CCDC33: variants seen among roughly 807,000 people sequenced by gnomAD.
CCDC33 encodes the protein coiled-coil domain containing 33, also known as coiled-coil domain-containing protein 33.
In CCDC33, 94 loss-of-function variants were observed where a neutral mutation model predicts 91.9. The observed-to-expected ratio is 1.02, with a 90% CI of 0.87 to 1.21. CCDC33 has a LOEUF of 1.21. Ranked by LOEUF, CCDC33 falls within the 50% of genes most tolerant of loss-of-function variation. The pLI, the probability that CCDC33 is intolerant of heterozygous loss-of-function variation, is 0.00. For missense variants in CCDC33, 940 were observed against 935.5 expected (o/e 1.00, Z -0.06); for synonymous variants, 396 against 374.5 (o/e 1.06, Z -0.66).
intron 2 of CCDC33, among the ~76,000 whole-genome samples, chr15:74,248,189 G>A (rs1388128521): frequency 3.3e-5 from 5 of 152,056 alleles, no homozygotes; most frequent in African/African-American, 9.7e-5. Context: ...TAACTAACTT[G>A]ATCATGATGA....
In CCDC33 at chr15:74,223,650, T is replaced by C. The variant is rs961380750; in HGVS notation, c.675+4789T>C. Among the ~76,000 whole-genome samples the C allele has an allele frequency of 2.7e-5, 4 of 149,086 alleles. No individual in the cohort carries two copies. The East Asian group carries it at 7.9e-4, about 29-fold the overall frequency. ...AGATTGACTCCCAGCCCCCACCCTC[T>C]GGGCCTCAGGCCCGAGCAGGTCAGC... On this transcript the variant is annotated intron_variant, in intron 2 of 2. Coordinates refer to the CCDC33 transcript ENST00000635913.
chr15:74,324,018 G>A lies in CCDC33; in HGVS notation c.1291-6171G>A, dbSNP rs549451324. Among the ~76,000 whole-genome samples, 5 of 150,504 alleles carry A rather than the reference G, an allele frequency of 3.3e-5. No homozygotes were observed. The South Asian group carries it at 1.1e-3, about 32-fold the overall frequency. On this transcript the variant is annotated intron_variant, in intron 11 of 18. Transcript: ENST00000398814. ...TGAGGCAGGAGAATTGCCTGAACCC[G>A]GGAGGCGGTTACAGTGAGCCAAGAT...
At chr15:74,335,462 A>T in intron 18 of CCDC33, 1 of 486,950 alleles carries the variant, frequency 2.1e-6, no homozygotes, top group Non-Finnish European at 3.7e-6. Flanking sequence ...GAATCCATAG[A>T]GCCTAAGATT....
At chr15:74,258,435 T>G (rs1408588756) in intron 2 of CCDC33, among the ~76,000 whole-genome samples, 1 of 152,178 alleles carries the variant, frequency 6.6e-6, no homozygotes, top group African/African-American at 2.4e-5. Flanking sequence ...AGGTCTTGAC[T>G]ATTGTTCATG....
rs1013808901 is a variant in CCDC33 at position 74,244,931 on chromosome 15, C to T, written c.185+783C>T. On this transcript the variant is annotated intron_variant, in intron 2 of 18. Coordinates refer to ENST00000398814, the MANE Select transcript of CCDC33 (RefSeq NM_025055.5). This position sits in a 1 kb window ranked among gnomAD's most constrained non-coding sequence, Gnocchi z 4.2. Reference sequence around the variant, plus strand: ...ACCAAGCCACCCTATACTTCCCCTCCCCCACCAATACTGGCACCATTCAGT... The same window carrying T: ...ACCAAGCCACCCTATACTTCCCCTCTCCCACCAATACTGGCACCATTCAGT... Among the ~76,000 whole-genome samples, 1 of 152,194 alleles carries T rather than the reference C, an allele frequency of 6.6e-6. No individual in the cohort carries two copies. Among genetic ancestry groups the T allele is most frequent in the African/African-American group, 2.4e-5 (1 of 41,446 alleles).
intron 1 of CCDC33, among the ~76,000 whole-genome samples, chr15:74,208,644 T>TTA (rs1411846641): frequency 6.6e-6 from 1 of 152,042 alleles, no homozygotes; most frequent in Non-Finnish European, 1.5e-5. Flanking sequence ...GTCTCCAAAC[T>TTA]TACTCATCAG....
At chr15:74,243,222 C>G (rs984713189) in intron 1 of CCDC33, among the ~76,000 whole-genome samples, 1 of 152,226 alleles carries the variant, frequency 6.6e-6, no homozygotes, top group Non-Finnish European at 1.5e-5. Flanking sequence ...TTCACCTCCA[C>G]GTAATGCACT....
intron 1 of CCDC33, among the ~76,000 whole-genome samples, chr15:74,206,071 C>T (rs1400415982): frequency 6.6e-6 from 1 of 152,216 alleles, no homozygotes; most frequent in Non-Finnish European, 1.5e-5. Flanking sequence ...TCACTGTCCT[C>T]TCTCAAATCC....
chr15:74,270,725 C>T (rs2076291160), intron 5 of CCDC33, among the ~76,000 whole-genome samples: 1 of 152,026 alleles, frequency 6.6e-6, no homozygotes, highest in African/African-American at 2.4e-5. Flanking sequence ...GCAGCAGAGG[C>T]GCATGGGGAC....
intron 2 of CCDC33, among the ~76,000 whole-genome samples, chr15:74,246,247 C>T (rs534912313): frequency 1.3e-5 from 2 of 152,294 alleles, no homozygotes; most frequent in East Asian, 1.9e-4. Flanking sequence ...GGAAAGGCTC[C>T]TTTACATTGG....
intron 2 of CCDC33, among the ~76,000 whole-genome samples, chr15:74,247,600 A>AAATACTG (rs2075578988): frequency 6.6e-6 from 1 of 152,214 alleles, no homozygotes; most frequent in Non-Finnish European, 1.5e-5. Flanking sequence ...ACAGAAAGAC[A>AAATACTG]AATACTGCAT....
At chr15:74,259,038 C>A (rs926228973) in intron 2 of CCDC33, among the ~76,000 whole-genome samples, 11 of 152,164 alleles carry the variant, frequency 7.2e-5, no homozygotes, top group Admixed American at 5.2e-4. Flanking sequence ...GGTCTCAGGG[C>A]TGCTGCACTC....
At chr15:74,224,662 C>G (rs1218227699) in intron 2 of CCDC33, among the ~76,000 whole-genome samples, 3 of 152,210 alleles carry the variant, frequency 2.0e-5, no homozygotes, top group Non-Finnish European at 2.9e-5. Context: ...TATAACTTCC[C>G]TCAGCCTCCA....
At chr15:74,271,862 T>C (rs568067768) in intron 6 of CCDC33, 68 bp downstream of exon 6, 5 of 1,362,882 alleles carry the variant, frequency 3.7e-6, no homozygotes, top group Non-Finnish European at 5.2e-6. Context: ...GGTGAGGCTG[T>C]CATTGCTGCC....
chr15:74,276,462 CCTCT>C (rs1330010168), intron 7 of CCDC33, among the ~76,000 whole-genome samples: 2 of 152,172 alleles, frequency 1.3e-5, no homozygotes, highest in Non-Finnish European at 2.9e-5. Flanking sequence ...ACCATCCCCT[CCTCT>C]CTCAGCCCCA....
At chr15:74,209,225 A>AC (rs2074329996) in intron 1 of CCDC33, 1 of 1,085,842 alleles carries the variant, frequency 9.2e-7, no homozygotes, top group Admixed American at 2.2e-5. Flanking sequence ...GCCTCTCCAC[A>AC]CCCCCAAACC....
intron 11 of CCDC33, chr15:74,304,581 T>A (rs2059856951): frequency 6.6e-6 from 1 of 152,250 alleles, no homozygotes; most frequent in African/African-American, 2.4e-5. Context: ...CGATTTATTG[T>A]CTCTTGGTGT....
chr15:74,330,431 G>T (rs1041184191), intron 12 of CCDC33, 77 bp downstream of exon 12: 2 of 1,444,182 alleles, frequency 1.4e-6, no homozygotes, highest in Non-Finnish European at 9.2e-7. Flanking sequence ...TAGGGTGGCT[G>T]GGAGCTTCTC....
At chr15:74,335,633 C>T (rs1279711664) in intron 18 of CCDC33, 5 of 389,152 alleles carry the variant, frequency 1.3e-5, no homozygotes, top group African/African-American at 1.0e-4. Context: ...CTTGAGCCAG[C>T]TGTGCTTTGC....
Sources: gnomAD v4.1 joint callset for allele counts (sites outside exome capture counted in the v4.1 genomes callset) on GRCh38, gnomAD v4.1.1 for gene constraint, Gnocchi (gnomAD v3.1) non-coding constraint, MANE v1.5 for transcripts, NCBI Gene and HGNC (gene_info 2026-07-23, HGNC 2026-07-21) for gene names.